The following PLOD1 variants were observed in gnomAD, a reference collection of about 807,000 sequenced individuals.
PLOD1 encodes lysine hydroxylase.
PLOD1 carries 70 observed loss-of-function variants against 94.7 expected under a neutral mutation model. The ratio of observed to expected loss-of-function variants is 0.74; its 90% CI spans 0.61 to 0.90. PLOD1 has a LOEUF of 0.90. PLOD1 is among the 40% of genes least tolerant of loss of function. PLOD1 has a pLI of 0.00. For synonymous variants in PLOD1, 417 were observed against 400.2 expected (o/e 1.04, Z -0.50); for missense variants, 905 against 972.7 (o/e 0.93, Z 0.93).
intron 16 of PLOD1, among the ~76,000 whole-genome samples, chr1:11,969,887 G>T (rs1273272186): frequency 6.6e-6 from 1 of 151,084 alleles, no homozygotes; most frequent in Non-Finnish European, 1.5e-5. Context: ...CAGGAGGATC[G>T]CTTGAGTCCA....
chr1:11,961,958 T>C (rs1429919914), intron 10 of PLOD1, among the ~76,000 whole-genome samples: 1 of 152,162 alleles, frequency 6.6e-6, no homozygotes, highest in Non-Finnish European at 1.5e-5. Flanking sequence ...CTGGCTAATT[T>C]TTGTATTTTT....
In PLOD1 at chr1:11,968,163, A is replaced by G. The variant is rs1440840318; in HGVS notation, c.1755+1072A>G. Among the ~76,000 whole-genome samples the G allele has an allele frequency of 3.3e-5, 5 of 152,190 alleles. 1 individual carries two copies. In the East Asian group the frequency reaches 9.7e-4, roughly 29 times the overall value. On this transcript the variant is annotated intron_variant, in intron 16 of 18. Transcript: ENST00000196061. ...GACACTGGGTTTCACCATGTTGGCC[A>G]GGCTGGTCTCAAACTCCTGGCCTCA... is the stretch of plus-strand genomic sequence containing the variant.
rs996749956 is a variant in PLOD1 at position 11,950,470 on chromosome 1, A to T, written c.416A>T (p.Glu139Val). 9.9e-6 allele frequency: 16 copies of T among 1,614,062 alleles called. No homozygotes were observed. The highest frequency in any genetic ancestry group is 1.4e-5 in the Non-Finnish European group (16 of 1,179,944). ...CTCATCTACCCAGACCGCAGGCTGG[A>T]GACCAAGTATCCGGTGGTGTCCGAT... The part of the protein sequence containing the change: ...EELIYPDRRL[E>V]TKYPVVSDGK... The change falls in exon 4 of 19, where the codon GAG (glutamate) becomes GTG (valine). Residue 139 changes from glutamate (E) to valine (V), a missense_variant. Glu to Val is a moderately radical substitution (Grantham distance 121). Transcript: ENST00000196061.
At chr1:11,954,201 G>GAAAAA in intron 5 of PLOD1, 3 of 160,480 alleles carry the variant, frequency 1.9e-5, no homozygotes, top group South Asian at 1.2e-4. Context: ...CAGGTGCGGT[G>GAAAAA]GCTCACACCT....
At position 11,954,823 on chromosome 1, in the gene PLOD1, C is replaced by T. The variant is rs774714468; in HGVS notation, c.580-7C>T. The T allele has an allele frequency of 6.2e-7, 1 of 1,610,860 alleles. No homozygotes were observed. Among genetic ancestry groups the T allele is most frequent in the African/African-American group, 1.3e-5 (1 of 74,876 alleles). ...CCTGCTGCAGTCTGGTACCTTCTTT[C>T]CTGCAGGAGCAGATCAATATCACCC... is the stretch of plus-strand genomic sequence containing the variant. On this transcript the variant is annotated splice_region_variant and splice_polypyrimidine_tract_variant and intron_variant, in intron 5 of 18. Transcript: ENST00000196061.
intron 14 of PLOD1, among the ~76,000 whole-genome samples, chr1:11,965,971 CTG>C (rs1012509763): frequency 3.2e-4 from 48 of 152,182 alleles, no homozygotes; most frequent in African/African-American, 7.5e-4. Flanking sequence ...ACAGTTGTAA[CTG>C]TTTCTAGACG....
chr1:11,955,257 T>C (rs1428601370), intron 6 of PLOD1, among the ~76,000 whole-genome samples: 1 of 152,214 alleles, frequency 6.6e-6, no homozygotes, highest in Admixed American at 6.5e-5. Flanking sequence ...ACTCAGCTGG[T>C]GGGACAGGCA....
chr1:11,944,593 C>T (rs1645637367), intron 1 of PLOD1: 2 of 1,363,152 alleles, frequency 1.5e-6, no homozygotes, highest in Admixed American at 1.9e-5. Context: ...CTTCACCGTC[C>T]TGGCAGGAGC....
chr1:11,950,000 G>A, intron 3 of PLOD1, 94 bp downstream of exon 3: 2 of 1,314,088 alleles, frequency 1.5e-6, no homozygotes, highest in South Asian at 2.4e-5. Context: ...GGGAAGAAGG[G>A]GGACCACTCT....
chr1:11,946,964 G>T (rs1215371211), intron 1 of PLOD1, among the ~76,000 whole-genome samples: 1 of 152,082 alleles, frequency 6.6e-6, no homozygotes, highest in Non-Finnish European at 1.5e-5. Context: ...GAAGTGCAAG[G>T]CTCTTTTAAA....
chr1:11,952,256 G>A (rs138827767), intron 4 of PLOD1, among the ~76,000 whole-genome samples: 30 of 152,314 alleles, frequency 2.0e-4, no homozygotes, highest in African/African-American at 7.2e-4. Flanking sequence ...TCTGGGCCAG[G>A]TTTCCCAGAT....
chr1:11,974,909 TG>T lies in PLOD1; in HGVS notation c.*103del. ...TCCCAGGGAACCCAGTCCAGCCTCC[TG>T]GCTGTTGACTTCCCATTGCTCTTGG... On this transcript the variant is annotated 3_prime_UTR_variant, in exon 19 of 19. Transcript: ENST00000196061. 8.7e-7 allele frequency: 1 copy of T among 1,148,920 alleles called. No individual in the cohort carries two copies. The highest frequency in any genetic ancestry group is 1.3e-6 in the Non-Finnish European group (1 of 756,288). 71.2% of individuals were successfully genotyped at this position (1,148,920 alleles called of 1,614,324 possible).
Position 11,956,809 on chromosome 1 carries a change from A to T in PLOD1, c.644-108A>T, listed in dbSNP as rs115737940. 1,728 of 777,926 alleles carry T rather than the reference A, an allele frequency of 2.2e-3. 20 individuals are homozygous for T. The African/African-American group carries it at 0.023, about 10-fold the overall frequency. The allele number at this position is 777,926 out of a possible 1,614,324, so 48.2% of individuals were successfully genotyped here. On this transcript the variant is annotated intron_variant, in intron 6 of 18. Transcript: ENST00000196061. The stretch of plus-strand genomic sequence containing the variant: ...GGCTTAGAGAGAAGTGACTTGCCCG[A>T]GGACATAATCTACTCACTGCACAGC...
chr1:11,960,894 T>C, intron 10 of PLOD1, 127 bp downstream of exon 10: 1 of 1,382,078 alleles, frequency 7.2e-7, no homozygotes, highest in South Asian at 1.3e-5. Context: ...TTCCTGCCCC[T>C]TTCTGGGCCT....
In PLOD1 at chr1:11,963,816, C is replaced by CTCT. The variant is rs2100757298; in HGVS notation, c.1202+182_1202+183insTTC. Among the ~76,000 whole-genome samples the CTCT allele has an allele frequency of 6.6e-6, 1 of 151,816 alleles. No homozygotes were observed. The highest frequency in any genetic ancestry group is 2.1e-4 in the South Asian group (1 of 4,806). The stretch of plus-strand genomic sequence containing the variant: ...TGTCTTCCTCCTCCTCTTCCTCTTC[C>CTCT]TCCTCTTCCTCCTTTTTCCTCCTCC... On this transcript the variant is annotated intron_variant, in intron 11 of 18. Coordinates refer to ENST00000196061, the MANE Select transcript of PLOD1 (RefSeq NM_000302.4). This position sits in a 1 kb window ranked among gnomAD's most constrained non-coding sequence, Gnocchi z 4.3.
chr1:11,974,076 T>A (rs917544579), intron 18 of PLOD1, among the ~76,000 whole-genome samples: 1 of 152,190 alleles, frequency 6.6e-6, no homozygotes, highest in African/African-American at 2.4e-5. Flanking sequence ...CTGTTCTGTT[T>A]AACCCTCATT....
At chr1:11,955,672 G>A (rs1317486637) in intron 6 of PLOD1, among the ~76,000 whole-genome samples, 2 of 151,936 alleles carry the variant, frequency 1.3e-5, no homozygotes, top group African/African-American at 4.8e-5. Context: ...CGCCCAGGCT[G>A]GAATGCAGTG....
chr1:11,937,004 C>G (rs1483856537), intron 1 of PLOD1, among the ~76,000 whole-genome samples: 1 of 152,018 alleles, frequency 6.6e-6, no homozygotes, highest in Admixed American at 6.6e-5. Context: ...GATGCCACAA[C>G]GCTCAGCTAA....
At chr1:11,940,609 T>C (rs1470570864) in intron 1 of PLOD1, among the ~76,000 whole-genome samples, 2 of 152,168 alleles carry the variant, frequency 1.3e-5, no homozygotes, top group African/African-American at 2.4e-5. Flanking sequence ...TAGCACCCTC[T>C]CTGTTGTATC....
Sources: allele counts gnomAD v4.1 joint callset (sites outside exome capture counted in the v4.1 genomes callset), GRCh38; gene constraint gnomAD v4.1.1; non-coding constraint Gnocchi (gnomAD v3.1); transcripts MANE v1.5; gene names NCBI Gene and HGNC (gene_info 2026-07-23, HGNC 2026-07-21).